Variants in GPR55 observed in about 807,000 individuals in gnomAD.
GPR55 encodes the protein G protein-coupled receptor 55, also known as G-protein coupled receptor 55.
A neutral mutation model predicts 7.9 loss-of-function variants in GPR55; 6 were observed. The observed-to-expected ratio is 0.76, with a 90% CI of 0.41 to 1.49. The LOEUF (loss-of-function observed/expected upper bound fraction) is 1.49. GPR55 is among the 40% of genes most tolerant of loss of function. The pLI, the probability that GPR55 is intolerant of heterozygous loss-of-function variation, is 0.01. For missense variants in GPR55, 376 were observed against 406.0 expected (o/e 0.93, Z 0.63); for synonymous variants, 183 against 166.8 (o/e 1.10, Z -0.75).
At chr2:230,955,944 C>A (rs1691475277) in intron 1 of GPR55, among the ~76,000 whole-genome samples, 1 of 152,126 alleles carries the variant, frequency 6.6e-6, no homozygotes, top group Non-Finnish European at 1.5e-5. Flanking sequence ...CCAGGTTGGT[C>A]TCAAGCTCCT....
intron 1 of GPR55, among the ~76,000 whole-genome samples, chr2:230,913,667 G>A (rs1690645526): frequency 1.3e-5 from 2 of 152,122 alleles, no homozygotes; most frequent in African/African-American, 2.4e-5. Flanking sequence ...CTGCAAGGTG[G>A]GGTGGCCGCC....
rs1488652301 is a variant in GPR55 at position 230,924,372 on chromosome 2, G to A, written c.-135+796C>T. 1.3e-5 allele frequency among the ~76,000 whole-genome samples: 2 copies of A among 152,168 alleles called. No homozygotes were observed. The highest frequency in any genetic ancestry group is 3.8e-4 in the East Asian group (2 of 5,198). ...TCCCCACTGCCTCGGGCAGCACAAA[G>A]CCCAGGTGAAGCCAGGCCAGCCAGA... On this transcript the variant is annotated intron_variant, in intron 1 of 1. Coordinates refer to ENST00000650999, the MANE Select transcript of GPR55 (RefSeq NM_005683.4). The surrounding 1 kb of genome is among the most constrained non-coding windows in gnomAD (Gnocchi z 4.5).
intron 1 of GPR55, among the ~76,000 whole-genome samples, chr2:230,938,790 T>A (rs1430978935): frequency 2.0e-5 from 3 of 152,156 alleles, no homozygotes; most frequent in Non-Finnish European, 2.9e-5. Flanking sequence ...TTGCCTGATA[T>A]GAAGGATGTC....
chr2:230,956,630 C>G (rs552013025), intron 1 of GPR55, among the ~76,000 whole-genome samples: 1 of 152,156 alleles, frequency 6.6e-6, no homozygotes. Context: ...CCTGCAGCTC[C>G]TAAAAGAAGA....
chr2:230,954,435 T>G (rs1022817064), intron 1 of GPR55, among the ~76,000 whole-genome samples: 6 of 152,244 alleles, frequency 3.9e-5, no homozygotes, highest in African/African-American at 1.4e-4. Context: ...TTCCCTCCTT[T>G]CCATGCCACT....
At chr2:230,917,490 T>A (rs1347746) in intron 1 of GPR55, among the ~76,000 whole-genome samples, 69,648 of 151,966 alleles carry the variant, frequency 0.46, 17,091 homozygotes, top group African/African-American at 0.65. Context: ...CTCTCTGACC[T>A]CATACACAAA....
intron 1 of GPR55, chr2:230,957,970 G>T: frequency 2.3e-6 from 1 of 443,986 alleles, no homozygotes. Flanking sequence ...CTTGAGCATA[G>T]AAATCAGACT....
intron 1 of GPR55, among the ~76,000 whole-genome samples, chr2:230,917,964 A>G (rs1690753534): frequency 1.3e-5 from 2 of 152,206 alleles, no homozygotes; most frequent in African/African-American, 4.8e-5. Flanking sequence ...TACAGCCAAA[A>G]CTATTCTCAG....
At chr2:230,936,300 C>T (rs1691130065) in intron 1 of GPR55, among the ~76,000 whole-genome samples, 1 of 152,174 alleles carries the variant, frequency 6.6e-6, no homozygotes, top group African/African-American at 2.4e-5. Context: ...ATAATCCTCA[C>T]ATGTCGTAGG....
At chr2:230,914,043 T>C (rs1255738716) in intron 1 of GPR55, among the ~76,000 whole-genome samples, 7 of 152,234 alleles carry the variant, frequency 4.6e-5, no homozygotes, top group Non-Finnish European at 8.8e-5. Context: ...AGGCCCTTAC[T>C]GTCAGCTGTT....
rs1178466668 is a variant in GPR55 at position 230,957,734 on chromosome 2, C to CT, written c.-135+3040dup. The CT allele has an allele frequency of 3.8e-4, 205 of 546,128 alleles. 1 individual carries two copies. In the Middle Eastern group the frequency reaches 3.8e-3, roughly 10 times the overall value. 33.8% of individuals were successfully genotyped at this position (546,128 alleles called of 1,614,324 possible). ...AGGATCTGTTGTGGCTGGCTTTGGA[C>CT]TTTTTTTTTGTTAACTAGTAGAATT... On this transcript the variant is annotated intron_variant, in intron 1 of 1. Coordinates refer to the GPR55 transcript ENST00000392039.
chr2:230,919,266 C>T (rs1171077224), intron 1 of GPR55, among the ~76,000 whole-genome samples: 2 of 152,074 alleles, frequency 1.3e-5, no homozygotes, highest in African/African-American at 4.8e-5. Flanking sequence ...CTTAGCATAA[C>T]TGAAAATCAA....
intron 1 of GPR55, among the ~76,000 whole-genome samples, chr2:230,933,631 C>A (rs2125062761): frequency 6.6e-6 from 1 of 152,366 alleles, no homozygotes; most frequent in East Asian, 1.9e-4. Flanking sequence ...TCAGAGCGGC[C>A]ATAGAGGTGG....
intron 1 of GPR55, chr2:230,957,569 G>A (rs1330855776): frequency 2.5e-6 from 1 of 399,844 alleles, no homozygotes; most frequent in African/African-American, 2.1e-5. Context: ...GGTGCTGGGC[G>A]GGTGGAGGCG....
upstream of GPR55, chr2:230,929,930 T>G (rs933038057): frequency 6.6e-6 from 1 of 152,274 alleles, no homozygotes; most frequent in African/African-American, 2.4e-5. Context: ...CACCTCTGGC[T>G]CTGTCTCATC....
At chr2:230,957,447 A>G in intron 1 of GPR55, 1 of 296,498 alleles carries the variant, frequency 3.4e-6, no homozygotes, top group Non-Finnish European at 6.5e-6. Flanking sequence ...GGAGCGGGAC[A>G]GCGAGAGATT....
At chr2:230,934,776 C>A (rs1316861112) in intron 1 of GPR55, among the ~76,000 whole-genome samples, 1 of 152,068 alleles carries the variant, frequency 6.6e-6, no homozygotes, top group African/African-American at 2.4e-5. Flanking sequence ...AGTGTTAAAC[C>A]CAGATAGTCC....
At chr2:230,911,949 T>G (rs1690602715) in intron 1 of GPR55, among the ~76,000 whole-genome samples, 1 of 152,262 alleles carries the variant, frequency 6.6e-6, no homozygotes, top group Non-Finnish European at 1.5e-5. Context: ...TATGTAGCCC[T>G]GGAGCAGGAA....
chr2:230,938,825 T>C (rs1691174305), intron 1 of GPR55, among the ~76,000 whole-genome samples: 1 of 152,150 alleles, frequency 6.6e-6, no homozygotes, highest in South Asian at 2.1e-4. Flanking sequence ...ACAAAAAGCC[T>C]CTAAACCTCA....
Sources: allele counts gnomAD v4.1 joint callset (sites outside exome capture counted in the v4.1 genomes callset), GRCh38; gene constraint gnomAD v4.1.1; non-coding constraint Gnocchi (gnomAD v3.1); transcripts MANE v1.5; gene names NCBI Gene and HGNC (gene_info 2026-07-23, HGNC 2026-07-21).